Variants in GSTP1 observed in about 807,000 individuals in gnomAD.
GSTP1 encodes the protein glutathione S-transferase P.
GSTP1 carries 28 observed loss-of-function variants against 29.4 expected under a neutral mutation model. That is an observed-to-expected ratio of 0.95 (90% CI 0.71 to 1.30). The LOEUF (loss-of-function observed/expected upper bound fraction) is 1.30. Ranked by LOEUF, GSTP1 falls within the 50% of genes most tolerant of loss-of-function variation. GSTP1 has a pLI of 0.00. For synonymous variants in GSTP1, 122 were observed against 117.0 expected, an observed-to-expected ratio of 1.04 and a Z score of -0.28; for missense variants, 267 against 266.1, an observed-to-expected ratio of 1.00 and a Z score of -0.02.
chr11:67,584,699 C>T lies in GSTP1; in HGVS notation c.159C>T (p.Leu53=). 2.5e-6 allele frequency: 4 copies of T among 1,613,734 alleles called. No individual in the cohort carries two copies. Among genetic ancestry groups the T allele is most frequent in the Non-Finnish European group, 3.4e-6 (4 of 1,179,778 alleles). The change falls in exon 4 of 7, where the codon CTC becomes CTT. Residue 53 remains leucine, a synonymous_variant. Transcript: ENST00000398606. ...TCCCCCAACAGCTATACGGGCAGCT[C>T]CCCAAGTTCCAGGACGGAGACCTCA... ...SLKASCLYGQ[L]PKFQDGDLTL...
intron 2 of GSTP1, 31 bp from the exon 3 acceptor site, chr11:67,584,433 C>A (rs1867430080): frequency 1.6e-6 from 2 of 1,270,882 alleles, no homozygotes; most frequent in Non-Finnish European, 2.2e-6. Context: ...TCGGCCCGGT[C>A]CCCACATCTC....
chr11:67,586,262 A>AGCC, intron 6 of GSTP1, 51 bp downstream of exon 6: 3 of 1,536,186 alleles, frequency 2.0e-6, no homozygotes, highest in Non-Finnish European at 2.7e-6. Context: ...CTGCTTCCAG[A>AGCC]TGGACACAGG....
Position 67,586,095 on chromosome 11 carries a change from G to T in GSTP1, c.337-9G>T. On this transcript the variant is annotated splice_polypyrimidine_tract_variant and intron_variant, in intron 5 of 6. Transcript: ENST00000398606. ...TGAGAGTAGGATGATACATGGTGGT[G>T]TCTGGCAGGAGGCGGGCAAGGATGA... 6.2e-7 allele frequency: 1 copy of T among 1,604,980 alleles called. No individual in the cohort carries two copies. The highest frequency in any genetic ancestry group is 8.5e-7 in the Non-Finnish European group (1 of 1,171,894).
chr11:67,584,944 G>T, intron 4 of GSTP1, 172 bp downstream of exon 4: 1 of 650,874 alleles, frequency 1.5e-6, no homozygotes, highest in East Asian at 2.7e-5. Context: ...CTTGCCCTGT[G>T]CCAGGCTGCC....
At chr11:67,586,320 T>G in intron 6 of GSTP1, 69 bp from the exon 7 acceptor site, 1 of 1,544,354 alleles carries the variant, frequency 6.5e-7, no homozygotes, top group South Asian at 1.1e-5. Flanking sequence ...GGGATGGGCT[T>G]AGGCCCTCTG....
chr11:67,585,006 C>T, intron 4 of GSTP1, 132 bp from the exon 5 acceptor site: 1 of 657,026 alleles, frequency 1.5e-6, no homozygotes, highest in South Asian at 1.8e-5. Flanking sequence ...GTCTCTCATC[C>T]TTCCACGCAC....
intron 1 of GSTP1, 110 bp from the exon 2 acceptor site, chr11:67,584,024 C>A: frequency 2.5e-6 from 2 of 815,336 alleles, no homozygotes; most frequent in South Asian, 1.5e-5. Context: ...GGGCCCGGAG[C>A]GCCTCGGGGA....
In GSTP1 at chr11:67,584,166, C is replaced by G. The variant is rs372703452; in HGVS notation, c.34C>G (p.Arg12Gly). 1.2e-6 allele frequency: 2 copies of G among 1,611,974 alleles called. No individual in the cohort carries two copies. The highest frequency in any genetic ancestry group is 1.7e-6 in the Non-Finnish European group (2 of 1,178,266). ...PPYTVVYFPV[R>G]GRCAALRMLL... ...CTACACCGTGGTCTATTTCCCAGTT[C>G]GAGGTAGGAGCATGTGTCTGGCAGG... Residue 12 changes from arginine (R) to glycine (G), a missense_variant, in exon 2 of 7, where the codon CGA becomes GGA. By Grantham distance (125) the Arg-to-Gly change is moderately radical. Coordinates refer to ENST00000398606, the MANE Select transcript of GSTP1 (RefSeq NM_000852.4).
chr11:67,585,720 G>A (rs1232425117), intron 5 of GSTP1, among the ~76,000 whole-genome samples: 1 of 152,060 alleles, frequency 6.6e-6, no homozygotes, highest in Non-Finnish European at 1.5e-5. Context: ...TTTGTGTCGG[G>A]TGGGTAAGGA....
Position 67,586,393 on chromosome 11 carries a change from C to T in GSTP1, c.449C>T (p.Ser150Phe). Residue 150 changes from serine to phenylalanine, a missense_variant, in exon 7 of 7, where the codon TCC becomes TTC. Ser to Phe is a radical substitution (Grantham distance 155). Transcript: ENST00000398606. ...GKTFIVGDQI[S>F]FADYNLLDLL... ...CCTGGCCCCCCTGCCCTGCAGATCT[C>T]CTTCGCTGACTACAACCTGCTGGAC... is the stretch of plus-strand genomic sequence containing the variant. The T allele has an allele frequency of 6.2e-7, 1 of 1,612,880 alleles. No individual in the cohort carries two copies. The highest frequency in any genetic ancestry group is 2.2e-5 in the East Asian group (1 of 44,850).
At chr11:67,584,192 G>A in intron 2 of GSTP1, 23 bp downstream of exon 2, 1 of 1,599,474 alleles carries the variant, frequency 6.3e-7, no homozygotes, top group Non-Finnish European at 8.6e-7. Flanking sequence ...GTCTGGCAGG[G>A]AAGGGAGGCA....
intron 3 of GSTP1, 40 bp downstream of exon 3, chr11:67,584,610 C>A: frequency 6.4e-7 from 1 of 1,566,930 alleles, no homozygotes; most frequent in Non-Finnish European, 8.8e-7. Context: ...GGGTGCTGGG[C>A]CTTAGGGGGC....
At position 67,586,496 on chromosome 11, in the gene GSTP1, CAG is replaced by C; in HGVS notation, c.553_554del (p.Ser185CysfsTer13). 6.2e-7 allele frequency: 1 copy of C among 1,614,062 alleles called. No individual in the cohort carries two copies. The highest frequency in any genetic ancestry group is 1.3e-5 in the African/African-American group (1 of 75,060). On this transcript the variant is annotated frameshift_variant, in exon 7 of 7. Coordinates refer to ENST00000398606, the MANE Select transcript of GSTP1 (RefSeq NM_000852.4). LOFTEE classifies it high-confidence loss of function. ...PLLSAYVGRLSARPKLKAFLA... is the reference protein window; with the variant it reads ...PLLSAYVGRLXARPKLKAFLA... ...TGCTCTCAGCATATGTGGGGCGCCT[CAG>C]TGCCCGGCCCAAGCTCAAGGCCTTC... is the stretch of plus-strand genomic sequence containing the variant.
At chr11:67,584,928 G>A in intron 4 of GSTP1, 156 bp downstream of exon 4, 1 of 674,994 alleles carries the variant, frequency 1.5e-6, no homozygotes, top group African/African-American at 1.8e-5. Flanking sequence ...CTGGGTGCCT[G>A]CAATCCTTGC....
chr11:67,585,332 G>A, intron 5 of GSTP1, 91 bp downstream of exon 5: 1 of 870,262 alleles, frequency 1.1e-6, no homozygotes, highest in Non-Finnish European at 1.8e-6. Context: ...AGGTGGCTTG[G>A]GCTGACCCCT....
Position 67,583,863 on chromosome 11 carries a change from C to T in GSTP1, c.1+19C>T. 1 of 743,388 alleles carries T rather than the reference C, an allele frequency of 1.3e-6. No homozygotes were observed. 46.0% of individuals were successfully genotyped at this position (743,388 alleles called of 1,614,324 possible). On this transcript the variant is annotated intron_variant, in intron 1 of 6. Transcript: ENST00000398606. ...GCCACCAGTGAGTACGCGCGGCCCG[C>T]GTCCCCGGGGATGGGGCTCAGAGCT...
intron 5 of GSTP1, among the ~76,000 whole-genome samples, chr11:67,585,756 C>T (rs1447231735): frequency 2.0e-5 from 3 of 152,004 alleles, no homozygotes; most frequent in African/African-American, 7.3e-5. Flanking sequence ...GCAGTAGGCC[C>T]AGGTCCCGAA....
In GSTP1 at chr11:67,584,509, G is replaced by A; in HGVS notation, c.83G>A (p.Ser28Asn). The A allele has an allele frequency of 6.4e-7, 1 of 1,573,310 alleles. No individual in the cohort carries two copies. Among genetic ancestry groups the A allele is most frequent in the Non-Finnish European group, 8.6e-7 (1 of 1,160,178 alleles). Reference protein sequence around the residue: ...LRMLLADQGQSWKEEVVTVET... With the variant: ...LRMLLADQGQNWKEEVVTVET... ...ATGCTGCTGGCAGATCAGGGCCAGA[G>A]CTGGAAGGAGGAGGTGGTGACCGTG... is the stretch of plus-strand genomic sequence containing the variant. The change falls in exon 3 of 7, where the codon AGC (serine) becomes AAC (asparagine). Residue 28 changes from serine (S) to asparagine (N), a missense_variant. Transcript: ENST00000398606.
Position 67,584,702 on chromosome 11 carries a change from C to T in GSTP1, c.162C>T (p.Pro54=), listed in dbSNP as rs777122379. 6.2e-7 allele frequency: 1 copy of T among 1,613,734 alleles called. No homozygotes were observed. The highest frequency in any genetic ancestry group is 8.5e-7 in the Non-Finnish European group (1 of 1,179,812). The change falls in exon 4 of 7, where the codon CCC becomes CCT. Residue 54 remains proline (P), a synonymous_variant. Transcript: ENST00000398606. ...LKASCLYGQL[P]KFQDGDLTLY... is the part of the protein sequence containing the mutation. ...CCCAACAGCTATACGGGCAGCTCCC[C>T]AAGTTCCAGGACGGAGACCTCACCC...
Sources: gnomAD v4.1 joint callset for allele counts (sites outside exome capture counted in the v4.1 genomes callset) on GRCh38, gnomAD v4.1.1 for gene constraint, MANE v1.5 for transcripts, NCBI Gene and HGNC (gene_info 2026-07-23, HGNC 2026-07-21) for gene names.